Variants in TBC1D1 observed in about 807,000 individuals in gnomAD.
TBC1D1 encodes TBC1 domain family member 1.
In TBC1D1, 89 loss-of-function variants were observed where a neutral mutation model predicts 125.6. That is an observed-to-expected ratio of 0.71 (90% CI 0.60 to 0.85). The LOEUF (loss-of-function observed/expected upper bound fraction) is 0.85, where lower values mean the gene tolerates loss of function less well. TBC1D1 is among the 40% of genes least tolerant of loss of function. The pLI is 0.00. For missense variants in TBC1D1, 1,377 were observed against 1,469.2 expected, an observed-to-expected ratio of 0.94 and a Z score of 1.03; for synonymous variants, 565 against 564.1, an observed-to-expected ratio of 1.00 and a Z score of -0.02.
At chr4:38,131,168 G>T (rs1346576707) in intron 18 of TBC1D1, among the ~76,000 whole-genome samples, 1 of 152,176 alleles carries the variant, frequency 6.6e-6, no homozygotes, top group Non-Finnish European at 1.5e-5. Context: ...TGGAGGCCTG[G>T]AAGAGTTTAT....
rs59557310 is a variant in TBC1D1, at chr4:37,945,512, C to CAAAAAAAAAAA, written c.417+43029_417+43039dup. On this transcript the variant is annotated intron_variant, in intron 2 of 19. Coordinates refer to ENST00000261439, the MANE Select transcript of TBC1D1 (RefSeq NM_015173.4). ...TGGGCAACAGAGAGAGACTCCACCTCAAAAAAAAAAAAAAAAAAAAAAAAA... is the reference window on the plus strand; with the variant it reads ...TGGGCAACAGAGAGAGACTCCACCTCAAAAAAAAAAAAAAAAAAAAAAAAAAAAAAAAAAAA... Among the ~76,000 whole-genome samples, 6 of 20,694 alleles carry CAAAAAAAAAAA rather than the reference C, an allele frequency of 2.9e-4. 1 individual carries two copies. Among genetic ancestry groups the CAAAAAAAAAAA allele is most frequent in the African/African-American group, 3.9e-4 (2 of 5,064 alleles). The allele number at this position is 20,694 out of a possible 152,430, so 13.6% of individuals were successfully genotyped here. A position where few individuals can be genotyped will look rare whatever the true frequency, so the allele number is the denominator to read the frequency against.
chr4:37,921,489 C>G (rs1286072348), intron 2 of TBC1D1, among the ~76,000 whole-genome samples: 1 of 151,642 alleles, frequency 6.6e-6, no homozygotes, highest in African/African-American at 2.4e-5. Flanking sequence ...TCACTGCAAC[C>G]TCCACCTCCC....
chr4:37,892,474 C>T (rs1713557370), intron 1 of TBC1D1, among the ~76,000 whole-genome samples: 1 of 152,086 alleles, frequency 6.6e-6, no homozygotes, highest in Non-Finnish European at 1.5e-5. Flanking sequence ...AGCATTCTAA[C>T]ACTATTGAGT....
chr4:37,920,321 C>T (rs1720685672), intron 2 of TBC1D1, among the ~76,000 whole-genome samples: 1 of 152,122 alleles, frequency 6.6e-6, no homozygotes, highest in African/African-American at 2.4e-5. Context: ...GAGTTCTGTG[C>T]AGGCCACTAG....
chr4:38,117,327 G>A (rs1763140463), intron 16 of TBC1D1, among the ~76,000 whole-genome samples: 1 of 152,056 alleles, frequency 6.6e-6, no homozygotes, highest in Non-Finnish European at 1.5e-5. Flanking sequence ...TCAGATCTGG[G>A]CTGGCTCTCG....
chr4:38,046,820 A>C (rs1749580768), intron 10 of TBC1D1, among the ~76,000 whole-genome samples: 1 of 152,172 alleles, frequency 6.6e-6, no homozygotes, highest in Admixed American at 6.5e-5. Context: ...TAACTCCTGA[A>C]AAGTGGGTTT....
chr4:37,962,454 C>A (rs1202130505), intron 2 of TBC1D1, among the ~76,000 whole-genome samples: 1 of 152,176 alleles, frequency 6.6e-6, no homozygotes, highest in Non-Finnish European at 1.5e-5. Context: ...GGATATGCAA[C>A]CTTGGGCAAG....
Position 38,014,752 on chromosome 4 carries a change from C to G in TBC1D1, c.661C>G (p.Pro221Ala). The G allele has an allele frequency of 1.2e-6, 2 of 1,611,528 alleles. No individual in the cohort carries two copies. Among genetic ancestry groups the G allele is most frequent in the Non-Finnish European group, 1.7e-6 (2 of 1,179,190 alleles). The change falls in exon 3 of 20, where the codon CCC (proline) becomes GCC (alanine). Residue 221 changes from proline (P) to alanine (A), a missense_variant. By Grantham distance (27) the Pro-to-Ala change is conservative (BLOSUM62 -1). This residue lies in a region of TBC1D1 where 822 missense variants were observed against 824.6 expected (regional missense o/e 1.00). Coordinates refer to ENST00000261439, the MANE Select transcript of TBC1D1 (RefSeq NM_015173.4). This position sits in a 1 kb window ranked among gnomAD's most constrained non-coding sequence, Gnocchi z 5.1. The stretch of plus-strand genomic sequence containing the variant: ...CCGCCCCAACCCGCCCCATGCCGCG[C>G]CCACAGGGAGCCAGGAGCCTGTGCG...
intron 12 of TBC1D1, among the ~76,000 whole-genome samples, chr4:38,055,765 G>A (rs1376098029): frequency 6.6e-6 from 1 of 152,158 alleles, no homozygotes; most frequent in South Asian, 2.1e-4. Context: ...CTGCCCCGTG[G>A]AGAGGTCTGC....
intron 12 of TBC1D1, among the ~76,000 whole-genome samples, chr4:38,078,193 C>T (rs1755928424): frequency 6.6e-6 from 1 of 152,186 alleles, no homozygotes; most frequent in Admixed American, 6.5e-5. Flanking sequence ...CTGGCACCCC[C>T]AGGCCTTCCC....
intron 12 of TBC1D1, among the ~76,000 whole-genome samples, chr4:38,055,469 C>G (rs1751542167): frequency 6.6e-6 from 1 of 152,122 alleles, no homozygotes; most frequent in Non-Finnish European, 1.5e-5. Context: ...ATTCAAAATT[C>G]ATAGTACTGG....
At chr4:38,018,140 TTCATC>T (rs1743212054) in intron 3 of TBC1D1, among the ~76,000 whole-genome samples, 1 of 152,148 alleles carries the variant, frequency 6.6e-6, no homozygotes, top group African/African-American at 2.4e-5. Flanking sequence ...ATCTGGTTCT[TTCATC>T]TCAAGGAAGA....
intron 2 of TBC1D1, among the ~76,000 whole-genome samples, chr4:37,996,402 T>C (rs1011870872): frequency 6.6e-5 from 10 of 152,254 alleles, no homozygotes; most frequent in Non-Finnish European, 1.2e-4. Context: ...GAAAATGGAT[T>C]AAACTGCTTT....
chr4:37,906,909 G>C (rs77595819), intron 2 of TBC1D1, among the ~76,000 whole-genome samples: 1,691 of 152,088 alleles, frequency 0.011, 30 homozygotes, highest in African/African-American at 0.037. Context: ...AAAGACCATC[G>C]GTTTATTTGG....
intron 12 of TBC1D1, among the ~76,000 whole-genome samples, chr4:38,055,548 G>A (rs1751554593): frequency 6.6e-6 from 1 of 152,208 alleles, no homozygotes; most frequent in Admixed American, 6.5e-5. Flanking sequence ...TCCTTCGGGT[G>A]AGCCTGGCCC....
At chr4:38,082,884 C>T (rs1756822299) in intron 12 of TBC1D1, among the ~76,000 whole-genome samples, 1 of 152,190 alleles carries the variant, frequency 6.6e-6, no homozygotes, top group Admixed American at 6.5e-5. Context: ...TCTAAGTCAT[C>T]CTTACACAGC....
At chr4:38,083,944 T>TTTTG (rs1186899540) in intron 12 of TBC1D1, among the ~76,000 whole-genome samples, 2 of 150,602 alleles carry the variant, frequency 1.3e-5, no homozygotes, top group African/African-American at 4.9e-5. Flanking sequence ...CTTTTTTTTT[T>TTTTG]TTTTTTTTCT....
At chr4:38,044,008 G>T (rs1204822935) in intron 8 of TBC1D1, among the ~76,000 whole-genome samples, 1 of 152,192 alleles carries the variant, frequency 6.6e-6, no homozygotes, top group Non-Finnish European at 1.5e-5. Context: ...CTTGCCATTG[G>T]TCTCACTTTA....
chr4:38,045,716 C>T (rs889535291), intron 9 of TBC1D1, 101 bp from the exon 10 acceptor site: 5 of 775,206 alleles, frequency 6.4e-6, no homozygotes, highest in South Asian at 1.5e-5. Flanking sequence ...CAGTAGATAA[C>T]ATTTTTTTCC....
Sources: allele counts gnomAD v4.1 joint callset (sites outside exome capture counted in the v4.1 genomes callset), GRCh38; gene constraint gnomAD v4.1.1; regional missense constraint gnomAD v4.1.1; non-coding constraint Gnocchi (gnomAD v3.1); transcripts MANE v1.5; gene names NCBI Gene and HGNC (gene_info 2026-07-23, HGNC 2026-07-21).